Variants in ZYG11B observed in about 807,000 individuals in gnomAD.
ZYG11B encodes protein zyg-11 homolog B.
A neutral mutation model predicts 82.4 loss-of-function variants in ZYG11B; 36 were observed. The ratio of observed to expected loss-of-function variants is 0.44; its 90% CI spans 0.33 to 0.58. The LOEUF is 0.58. ZYG11B is among the 20% of genes least tolerant of loss of function. The pLI, the probability that ZYG11B is intolerant of heterozygous loss-of-function variation, is 0.02. For synonymous variants in ZYG11B, 303 were observed against 312.8 expected (o/e 0.97, Z 0.33); for missense variants, 552 against 895.6 (o/e 0.62, Z 4.90).
chr1:52,811,477 G>T (rs1056426836), intron 10 of ZYG11B, among the ~76,000 whole-genome samples: 1 of 151,932 alleles, frequency 6.6e-6, no homozygotes, highest in African/African-American at 2.4e-5. Context: ...ATTTCTTTTT[G>T]TGTGTGTGAA....
intron 7 of ZYG11B, 117 bp downstream of exon 7, chr1:52,796,508 A>T: frequency 2.0e-6 from 2 of 980,872 alleles, no homozygotes; most frequent in South Asian, 1.6e-5. Context: ...CAGCCTGCTT[A>T]TTCAAGCTAC....
intron 2 of ZYG11B, among the ~76,000 whole-genome samples, chr1:52,759,900 G>A (rs1057130913): frequency 1.3e-5 from 2 of 151,986 alleles, no homozygotes. Context: ...GCGCGATCTC[G>A]GCTCACTACA....
At position 52,793,903 on chromosome 1, in the gene ZYG11B, T is replaced by TC. The variant is rs1553261697; in HGVS notation, c.1335-2388dup. Among the ~76,000 whole-genome samples, 36 of 92,004 alleles carry TC rather than the reference T, an allele frequency of 3.9e-4. No homozygotes were observed. In the East Asian group the frequency reaches 5.4e-3, roughly 14 times the overall value. The allele number at this position is 92,004 out of a possible 152,430, so 60.4% of individuals were successfully genotyped here. On this transcript the variant is annotated intron_variant, in intron 6 of 13. Coordinates refer to ENST00000294353, the MANE Select transcript of ZYG11B (RefSeq NM_024646.3). ...TCCTTCCTTCCTTCCTTCCTTCCTT[T>TC]CTTTCCTTTCTTTCCTTTCTTAGTT... is the stretch of plus-strand genomic sequence containing the variant.
rs1645324665 is a variant in ZYG11B at position 52,826,350 on chromosome 1, G to T, written c.*4721G>T. The T allele has an allele frequency of 6.6e-6, 1 of 152,136 alleles. No homozygotes were observed. Among genetic ancestry groups the T allele is most frequent in the African/African-American group, 2.4e-5 (1 of 41,428 alleles). 9.4% of individuals were successfully genotyped at this position (152,136 alleles called of 1,614,324 possible). Reference sequence around the variant, plus strand: ...GGATGTTTAGTCCTTATCATTTGCTGTGTTTTGACAGTTTTTAATTTGCAG... The same window carrying T: ...GGATGTTTAGTCCTTATCATTTGCTTTGTTTTGACAGTTTTTAATTTGCAG... On this transcript the variant is annotated 3_prime_UTR_variant, in exon 14 of 14. Coordinates refer to ENST00000294353, the MANE Select transcript of ZYG11B (RefSeq NM_024646.3).
chr1:52,743,267 G>A (rs567215129), intron 1 of ZYG11B, among the ~76,000 whole-genome samples: 1 of 151,640 alleles, frequency 6.6e-6, no homozygotes, highest in African/African-American at 2.4e-5. Context: ...ACTGCGGAAG[G>A]CCGCAGGGTC....
Position 52,824,725 on chromosome 1 carries a change from C to G in ZYG11B, c.*3096C>G, listed in dbSNP as rs928264580. On this transcript the variant is annotated 3_prime_UTR_variant, in exon 14 of 14. Transcript: ENST00000294353. Reference sequence around the variant, plus strand: ...GCAGTTGGGATGGTTCCTAAAATTGCGTATAGAATTAAGGCACAGAATTGT... The same window carrying G: ...GCAGTTGGGATGGTTCCTAAAATTGGGTATAGAATTAAGGCACAGAATTGT... 6.6e-6 allele frequency: 1 copy of G among 151,662 alleles called. No homozygotes were observed. Among genetic ancestry groups the G allele is most frequent in the Non-Finnish European group, 1.5e-5 (1 of 67,960 alleles). The allele number at this position is 151,662 out of a possible 1,614,324, so 9.4% of individuals were successfully genotyped here. A position where few individuals can be genotyped will look rare whatever the true frequency, so the allele number is the denominator to read the frequency against.
intron 8 of ZYG11B, among the ~76,000 whole-genome samples, chr1:52,797,478 G>GATATATAATATAATAAATTATATATT (rs1645035372): frequency 1.4e-5 from 1 of 73,078 alleles, no homozygotes; most frequent in African/African-American, 5.5e-5. Flanking sequence ...TATTATATAT[G>GATATATAATATAATAAATTATATATT]ATATATAATA....
chr1:52,792,386 C>T lies in ZYG11B; in HGVS notation c.1334+2319C>T, dbSNP rs191087094. Among the ~76,000 whole-genome samples the T allele has an allele frequency of 6.8e-4, 103 of 152,212 alleles. 1 individual carries two copies. Among genetic ancestry groups the T allele is most frequent in the South Asian group, 4.3e-3 (21 of 4,830 alleles). On this transcript the variant is annotated intron_variant, in intron 6 of 13. Transcript: ENST00000294353. The stretch of plus-strand genomic sequence containing the variant: ...TTAGTTATGGCACTTGAGATAAAAA[C>T]GGTAAAAACTAGCATGTATGAAGCA...
At chr1:52,754,959 CTTT>C (rs34416689) in intron 1 of ZYG11B, among the ~76,000 whole-genome samples, 4 of 126,662 alleles carry the variant, frequency 3.2e-5, no homozygotes, top group Non-Finnish European at 3.2e-5. Flanking sequence ...AAAGCCTATT[CTTT>C]TTTTTTTTTT....
intron 4 of ZYG11B, among the ~76,000 whole-genome samples, chr1:52,784,117 G>A (rs1289946641): frequency 7.9e-5 from 12 of 151,728 alleles, no homozygotes; most frequent in Non-Finnish European, 1.6e-4. Context: ...TCAGCCTCCC[G>A]AGTAGCTGGG....
At chr1:52,768,562 A>G (rs1644718521) in intron 2 of ZYG11B, among the ~76,000 whole-genome samples, 2 of 150,618 alleles carry the variant, frequency 1.3e-5, no homozygotes, top group South Asian at 4.2e-4. Flanking sequence ...CTTATGTTGT[A>G]TATTCTTGCT....
At position 52,813,166 on chromosome 1, in the gene ZYG11B, T is replaced by A. The variant is rs567678409; in HGVS notation, c.1696-370T>A. ...TAGGATTTATTCATATACTACTTTC[T>A]GGTAGTTCTTTCCCTAGCCTCCTGG... is the stretch of plus-strand genomic sequence containing the variant. On this transcript the variant is annotated intron_variant, in intron 10 of 13. Transcript: ENST00000294353. Among the ~76,000 whole-genome samples, 4 of 152,318 alleles carry A rather than the reference T, an allele frequency of 2.6e-5. No homozygotes were observed. In the East Asian group the frequency reaches 7.7e-4, roughly 29 times the overall value.
intron 1 of ZYG11B, among the ~76,000 whole-genome samples, chr1:52,746,697 T>G (rs1438808479): frequency 1.5e-5 from 2 of 130,294 alleles, no homozygotes; most frequent in Non-Finnish European, 3.3e-5. Flanking sequence ...GTTTTTTTTT[T>G]TTTTTTTTTT....
At chr1:52,779,816 G>C in intron 3 of ZYG11B, 37 bp from the exon 4 acceptor site, 3 of 1,610,074 alleles carry the variant, frequency 1.9e-6, no homozygotes, top group Non-Finnish European at 2.5e-6. Flanking sequence ...TAGAGAAAGA[G>C]AGAGAATTCT....
At chr1:52,797,314 CATATA>C (rs1338434390) in intron 8 of ZYG11B, among the ~76,000 whole-genome samples, 4 of 67,010 alleles carry the variant, frequency 6.0e-5, no homozygotes, top group East Asian at 1.3e-3. Flanking sequence ...TAAATATATA[CATATA>C]ATATATATAT....
chr1:52,753,756 C>G (rs1644546776), intron 1 of ZYG11B, among the ~76,000 whole-genome samples: 1 of 151,930 alleles, frequency 6.6e-6, no homozygotes, highest in Admixed American at 6.6e-5. Flanking sequence ...ACCACCACGC[C>G]CAGCTAATTT....
intron 1 of ZYG11B, among the ~76,000 whole-genome samples, chr1:52,751,767 C>G (rs1179206509): frequency 6.6e-6 from 1 of 152,098 alleles, no homozygotes; most frequent in East Asian, 1.9e-4. Flanking sequence ...CCAGGAGCCC[C>G]TAGATAACTT....
chr1:52,762,602 C>T (rs1217555424), intron 2 of ZYG11B, among the ~76,000 whole-genome samples: 9 of 151,624 alleles, frequency 5.9e-5, no homozygotes, highest in East Asian at 1.9e-4. Flanking sequence ...TTTTTTGAGA[C>T]GAAGTTTTGC....
rs371415451 is a variant in ZYG11B at position 52,821,446 on chromosome 1, G to A, written c.2052G>A (p.Arg684=). The stretch of plus-strand genomic sequence containing the variant: ...TTTTTTTTTCTTTTTCAGCTTCAAG[G>A]TATTGCAGCATGCTGATTGAAGAAG... ...MQHVCSKNPS[R]YCSMLIEEGG... is the part of the protein sequence containing the mutation. The change falls in exon 14 of 14, where the codon AGG becomes AGA. Residue 684 remains arginine (R), a synonymous_variant. Coordinates refer to ENST00000294353, the MANE Select transcript of ZYG11B (RefSeq NM_024646.3). 1.0e-5 allele frequency: 16 copies of A among 1,573,822 alleles called. No homozygotes were observed. Among genetic ancestry groups the A allele is most frequent in the African/African-American group, 8.1e-5 (6 of 73,772 alleles).
Sources: gnomAD v4.1 joint callset for allele counts (sites outside exome capture counted in the v4.1 genomes callset) on GRCh38, gnomAD v4.1.1 for gene constraint, MANE v1.5 for transcripts, NCBI Gene and HGNC (gene_info 2026-07-23, HGNC 2026-07-21) for gene names.